Variants in DGKK observed in about 807,000 individuals in gnomAD.
The protein encoded by DGKK is diacylglycerol kinase kappa, also known as 142 kDa diacylglycerol kinase.
DGKK carries 35 observed loss-of-function variants against 92.2 expected under a neutral mutation model. The ratio of observed to expected loss-of-function variants is 0.38; its 90% CI spans 0.29 to 0.50. The LOEUF is 0.50. Among genes scored for constraint, DGKK ranks in the 20% least tolerant of loss-of-function variants. DGKK has a pLI of 0.92. For missense variants in DGKK, 910 were observed against 992.2 expected, an observed-to-expected ratio of 0.92 and a Z score of 1.11; for synonymous variants, 368 against 360.6, an observed-to-expected ratio of 1.02 and a Z score of -0.23.
chrX:50,452,727 G>T (rs1055942101), intron 1 of DGKK, among the ~76,000 whole-genome samples: 2 of 111,967 alleles, frequency 1.8e-5, no homozygotes, highest in Non-Finnish European at 3.8e-5. Flanking sequence ...AATTCATAAG[G>T]CTTTAAAATA....
chrX:50,458,540 TC>T (rs1242434141), intron 1 of DGKK, among the ~76,000 whole-genome samples: 1 of 108,578 alleles, frequency 9.2e-6, no homozygotes, highest in Non-Finnish European at 1.9e-5. Context: ...ATTTATTTTC[TC>T]CCGTTTTAGC....
chrX:50,447,408 T>TGA lies in DGKK; in HGVS notation c.645+22625_645+22626insTC, dbSNP rs1926385461. Among the ~76,000 whole-genome samples, 3 of 13,200 alleles carry TGA rather than the reference T, an allele frequency of 2.3e-4. No individual in the cohort carries two copies. In the African/African-American group the frequency reaches 2.3e-3, roughly 10 times the overall value. 11.5% of individuals were successfully genotyped at this position (13,200 alleles called of 115,157 possible). On this transcript the variant is annotated intron_variant, in intron 1 of 27. Coordinates refer to ENST00000611977, the MANE Select transcript of DGKK (RefSeq NM_001013742.4). ...AATATATATATATTATATATATATA[T>TGA]AATATATATATATATATATTATATA...
intron 18 of DGKK, among the ~76,000 whole-genome samples, chrX:50,381,242 C>T (rs1238221142): frequency 9.0e-6 from 1 of 111,294 alleles, no homozygotes; most frequent in Admixed American, 9.5e-5. Flanking sequence ...CTGAGGCGGG[C>T]GGATTGCCTG....
intron 13 of DGKK, 46 bp from the exon 14 acceptor site, chrX:50,387,699 C>T (rs1557225113): frequency 2.2e-6 from 2 of 924,580 alleles, no homozygotes; most frequent in Non-Finnish European, 1.5e-6. Flanking sequence ...AACCATGAGG[C>T]CCAGAGCCCT....
chrX:50,416,724 A>G (rs895500315), intron 4 of DGKK, among the ~76,000 whole-genome samples: 2 of 111,667 alleles, frequency 1.8e-5, no homozygotes, highest in Non-Finnish European at 3.8e-5. Flanking sequence ...GGAGCTGTTA[A>G]TACTTATGCC....
intron 4 of DGKK, among the ~76,000 whole-genome samples, chrX:50,418,907 T>A (rs1472251174): frequency 8.9e-6 from 1 of 111,865 alleles, no homozygotes; most frequent in Non-Finnish European, 1.9e-5. Context: ...CGACCTTTTA[T>A]GCCAAATTGA....
chrX:50,404,350 TTGTG>T (rs1160615251), intron 4 of DGKK, among the ~76,000 whole-genome samples, 166 bp from the exon 5 acceptor site: 10 of 110,652 alleles, frequency 9.0e-5, no homozygotes, highest in Admixed American at 7.7e-4. Context: ...CTGGGATACT[TTGTG>T]TGCGTTTTTG....
In DGKK at chrX:50,441,401, A is replaced by G. The variant is rs1390214459; in HGVS notation, c.646-17043T>C. Among the ~76,000 whole-genome samples, 3 of 111,481 alleles carry G rather than the reference A, an allele frequency of 2.7e-5. No homozygotes were observed. The East Asian group carries it at 8.5e-4, about 32-fold the overall frequency. ...GATGGCCTGAAACTAAGGTGGGTAC[A>G]CGAATATTTGGATGAGAGAAGATAG... On this transcript the variant is annotated intron_variant, in intron 1 of 27. Transcript: ENST00000611977.
intron 15 of DGKK, among the ~76,000 whole-genome samples, chrX:50,385,529 A>T (rs1470138105): frequency 1.8e-5 from 2 of 111,931 alleles, no homozygotes; most frequent in African/African-American, 6.5e-5. Flanking sequence ...GAAACTAATT[A>T]TAGAAATAGA....
intron 1 of DGKK, among the ~76,000 whole-genome samples, chrX:50,426,982 A>G (rs1290875881): frequency 8.9e-6 from 1 of 111,785 alleles, no homozygotes; most frequent in African/African-American, 3.3e-5. Context: ...ACATGATCTA[A>G]AAATTGAAAT....
At chrX:50,381,964 A>G (rs1274935895) in intron 18 of DGKK, among the ~76,000 whole-genome samples, 1 of 111,447 alleles carries the variant, frequency 9.0e-6, no homozygotes, top group Admixed American at 9.5e-5. Context: ...TTATAGCTTC[A>G]ATGTACCACA....
chrX:50,434,141 C>G (rs1557230558), intron 1 of DGKK, among the ~76,000 whole-genome samples: 1 of 110,512 alleles, frequency 9.0e-6, no homozygotes, highest in Non-Finnish European at 1.9e-5. Flanking sequence ...TTATCCTAAC[C>G]ATCTACTATG....
intron 1 of DGKK, among the ~76,000 whole-genome samples, chrX:50,450,130 A>G (rs1926462552): frequency 9.0e-6 from 1 of 111,702 alleles, no homozygotes; most frequent in African/African-American, 3.3e-5. Flanking sequence ...TTTTGCAACT[A>G]AGATTCATAT....
At chrX:50,408,702 G>A (rs1344022710) in intron 4 of DGKK, among the ~76,000 whole-genome samples, 3 of 111,787 alleles carry the variant, frequency 2.7e-5, no homozygotes, top group African/African-American at 9.8e-5. Flanking sequence ...CTTTCAAAAT[G>A]GGAATATCTG....
intron 1 of DGKK, among the ~76,000 whole-genome samples, chrX:50,449,473 T>C (rs1349049045): frequency 9.0e-6 from 1 of 111,555 alleles, no homozygotes; most frequent in Non-Finnish European, 1.9e-5. Context: ...CGGACTAATT[T>C]ATTGTTTATT....
chrX:50,371,854 G>C lies in DGKK; in HGVS notation c.3502-20C>G. On this transcript the variant is annotated intron_variant, in intron 25 of 27. Transcript: ENST00000611977. ...TCTCAGCTGGTACAGACAGGAAAAA[G>C]AGTAAGTGTCCAATGCCTAGCACTT... 3.8e-6 allele frequency: 4 copies of C among 1,059,050 alleles called. No individual in the cohort carries two copies. The highest frequency in any genetic ancestry group is 2.3e-5 in the Admixed American group (1 of 43,136). 87.3% of individuals were successfully genotyped at this position (1,059,050 alleles called of 1,213,427 possible). A position where few individuals can be genotyped will look rare whatever the true frequency, so the allele number is the denominator to read the frequency against.
chrX:50,425,724 C>T (rs782361619), intron 1 of DGKK, among the ~76,000 whole-genome samples: 1 of 111,270 alleles, frequency 9.0e-6, no homozygotes, highest in Non-Finnish European at 1.9e-5. Context: ...ATTGTAACAC[C>T]CTTGGGATGC....
chrX:50,375,005 T>G lies in DGKK; in HGVS notation c.3467A>C (p.Tyr1156Ser). The G allele has an allele frequency of 8.3e-7, 1 of 1,209,709 alleles. No homozygotes were observed. The highest frequency in any genetic ancestry group is 1.1e-6 in the Non-Finnish European group (1 of 894,354). ...VDVTFSLKGL[Y>S]DDTTAFLDEK... ...ATCCAGGAAAGCTGTGGTGTCATCGTAGAGACCTTTAAGACTAAATGTAAC... is the reference window on the plus strand; with the variant it reads ...ATCCAGGAAAGCTGTGGTGTCATCGGAGAGACCTTTAAGACTAAATGTAAC... The change falls in exon 25 of 28, where the codon TAC becomes TCC. Residue 1156 changes from tyrosine to serine, a missense_variant. Coordinates refer to ENST00000611977, the MANE Select transcript of DGKK (RefSeq NM_001013742.4).
At chrX:50,429,481 C>T (rs950210164) in intron 1 of DGKK, among the ~76,000 whole-genome samples, 1 of 111,530 alleles carries the variant, frequency 9.0e-6, no homozygotes, top group Non-Finnish European at 1.9e-5. Flanking sequence ...GTCAGGAGAT[C>T]GAGACCATCC....
Sources: allele counts gnomAD v4.1 joint callset (sites outside exome capture counted in the v4.1 genomes callset), GRCh38; gene constraint gnomAD v4.1.1; transcripts MANE v1.5; gene names NCBI Gene and HGNC (gene_info 2026-07-23, HGNC 2026-07-21).